The following NLGN1 variants were observed in gnomAD, a reference collection of about 807,000 sequenced individuals.
NLGN1 encodes the protein neuroligin 1.
In NLGN1, 12 loss-of-function variants were observed where a neutral mutation model predicts 65.5. That is an observed-to-expected ratio of 0.18 (90% CI 0.12 to 0.30). The LOEUF (loss-of-function observed/expected upper bound fraction) is 0.30. Among genes scored for constraint, NLGN1 ranks in the 10% least tolerant of loss-of-function variants. The pLI, the probability that NLGN1 is intolerant of heterozygous loss-of-function variation, is 1.00. For synonymous variants in NLGN1, 350 were observed against 359.5 expected, an observed-to-expected ratio of 0.97 and a Z score of 0.30; for missense variants, 750 against 1,007.1, an observed-to-expected ratio of 0.74 and a Z score of 3.46.
intron 3 of NLGN1, among the ~76,000 whole-genome samples, chr3:173,723,631 T>C (rs976874364): frequency 1.5e-4 from 23 of 152,188 alleles, no homozygotes; most frequent in African/African-American, 5.3e-4. Context: ...TGGTTCACGG[T>C]GAATATAAGA....
At chr3:174,042,351 T>G (rs1732527632) in intron 4 of NLGN1, among the ~76,000 whole-genome samples, 1 of 152,226 alleles carries the variant, frequency 6.6e-6, no homozygotes, top group African/African-American at 2.4e-5. Context: ...CGTTTCATAT[T>G]TTACAGTTGG....
At chr3:174,244,260 A>G (rs1449505380) in intron 4 of NLGN1, among the ~76,000 whole-genome samples, 2 of 152,236 alleles carry the variant, frequency 1.3e-5, no homozygotes, top group African/African-American at 4.8e-5. Context: ...TATTCATTTA[A>G]GAACAGATAA....
chr3:173,832,923 A>C (rs1722891280), intron 4 of NLGN1, among the ~76,000 whole-genome samples: 1 of 152,192 alleles, frequency 6.6e-6, no homozygotes, highest in South Asian at 2.1e-4. Flanking sequence ...GTATATTGGC[A>C]ATCTTTTCTG....
At chr3:174,284,375 A>G (rs572730948) in exon 7 of NLGN1, 3 of 151,544 alleles carry the variant, frequency 2.0e-5, no homozygotes, top group African/African-American at 4.8e-5. Flanking sequence ...CTGTTACTCA[A>G]TTTTAGCAAA....
At chr3:173,568,437 T>C (rs1744081129) in intron 2 of NLGN1, among the ~76,000 whole-genome samples, 1 of 152,124 alleles carries the variant, frequency 6.6e-6, no homozygotes, top group African/African-American at 2.4e-5. Flanking sequence ...TTTTGCCATG[T>C]TGGCCAGGCT....
chr3:174,110,153 C>T (rs1281829600), intron 4 of NLGN1, among the ~76,000 whole-genome samples: 2 of 152,006 alleles, frequency 1.3e-5, no homozygotes, highest in Non-Finnish European at 2.9e-5. Context: ...TTGGAAACTA[C>T]AGATGTTCAC....
At chr3:174,066,516 GTCTCTCTCTCTCTCTCTC>G (rs373763421) in intron 4 of NLGN1, among the ~76,000 whole-genome samples, 42 of 67,016 alleles carry the variant, frequency 6.3e-4, no homozygotes, top group Admixed American at 1.9e-3. Context: ...TATGGAACAA[GTCTCTCTCTCTCTCTCTC>G]TCTCTCTCTC....
intron 2 of NLGN1, among the ~76,000 whole-genome samples, chr3:173,484,789 A>G (rs1727891742): frequency 6.6e-6 from 1 of 152,136 alleles, no homozygotes; most frequent in Non-Finnish European, 1.5e-5. Context: ...TGATCTGTTC[A>G]TTTATATGAC....
intron 4 of NLGN1, among the ~76,000 whole-genome samples, chr3:174,211,970 C>T (rs554558187): frequency 2.8e-4 from 42 of 152,280 alleles, no homozygotes; most frequent in African/African-American, 9.9e-4. Context: ...GCCATGCGCT[C>T]GTACTCCTCA....
chr3:174,019,565 A>C (rs535398260), intron 4 of NLGN1, among the ~76,000 whole-genome samples: 2 of 152,192 alleles, frequency 1.3e-5, no homozygotes, highest in Non-Finnish European at 2.9e-5. Flanking sequence ...ACATGATATC[A>C]TATTTTGTTG....
At chr3:173,567,471 A>G (rs964977607) in intron 2 of NLGN1, among the ~76,000 whole-genome samples, 1 of 151,996 alleles carries the variant, frequency 6.6e-6, no homozygotes, top group Admixed American at 6.5e-5. Context: ...CTCATTCAAA[A>G]AATAACGTTT....
exon 7 of NLGN1, chr3:174,281,147 T>C: frequency 1.2e-6 from 2 of 1,613,288 alleles, no homozygotes; most frequent in Non-Finnish European, 1.7e-6. Flanking sequence ...CACCTGATGA[T>C]GTTCCCTTAA....
intron 2 of NLGN1, among the ~76,000 whole-genome samples, chr3:173,535,983 T>A (rs143810351): frequency 6.6e-6 from 1 of 152,274 alleles, no homozygotes; most frequent in African/African-American, 2.4e-5. Context: ...GAAACCTCAG[T>A]CTCAGAAGTT....
At chr3:173,731,325 A>G (rs1005306460) in intron 3 of NLGN1, among the ~76,000 whole-genome samples, 1 of 152,090 alleles carries the variant, frequency 6.6e-6, no homozygotes, top group African/African-American at 2.4e-5. Context: ...GTTACTTTAT[A>G]ATTTTGTTTC....
chr3:174,182,726 ACT>A (rs1330353121), intron 4 of NLGN1, among the ~76,000 whole-genome samples: 2 of 152,016 alleles, frequency 1.3e-5, no homozygotes, highest in African/African-American at 4.8e-5. Context: ...ACAATGGAAA[ACT>A]CTCCATGTAA....
intron 4 of NLGN1, chr3:173,912,551 C>G (rs913678286): frequency 6.6e-6 from 1 of 152,068 alleles, no homozygotes; most frequent in African/African-American, 2.4e-5. Context: ...TCTACCAGAG[C>G]TCTCAGTATG....
intron 4 of NLGN1, among the ~76,000 whole-genome samples, chr3:173,862,086 C>T (rs1211038242): frequency 6.6e-6 from 1 of 151,732 alleles, no homozygotes; most frequent in Non-Finnish European, 1.5e-5. Flanking sequence ...CATTTTATAC[C>T]ACTCTAGGTA....
intron 3 of NLGN1, among the ~76,000 whole-genome samples, chr3:173,651,073 C>T (rs1759095733): frequency 6.6e-6 from 1 of 151,964 alleles, no homozygotes; most frequent in African/African-American, 2.4e-5. Context: ...ATTCATCCCT[C>T]ACCTGTCTCC....
At chr3:174,154,814 T>A (rs1057004330) in intron 4 of NLGN1, among the ~76,000 whole-genome samples, 4 of 63,746 alleles carry the variant, frequency 6.3e-5, no homozygotes, top group Non-Finnish European at 1.0e-4. Flanking sequence ...GATAAAGATA[T>A]TGTAGATAGA....
Sources: allele counts gnomAD v4.1 joint callset (sites outside exome capture counted in the v4.1 genomes callset), GRCh38; gene constraint gnomAD v4.1.1; transcripts MANE v1.5; gene names NCBI Gene and HGNC (gene_info 2026-07-23, HGNC 2026-07-21).